Variants in AP4M1 observed in about 807,000 individuals in gnomAD.
The protein encoded by AP4M1 is adaptor related protein complex 4 subunit mu 1, also known as AP-4 complex subunit mu-1.
A neutral mutation model predicts 62.4 loss-of-function variants in AP4M1; 58 were observed. That is an observed-to-expected ratio of 0.93 (90% CI 0.75 to 1.16). AP4M1 has a LOEUF of 1.16. Among genes scored for constraint, AP4M1 ranks in the 50% most tolerant of loss-of-function variants. AP4M1 has a pLI of 0.00. For missense variants in AP4M1, 626 were observed against 585.4 expected, an observed-to-expected ratio of 1.07 and a Z score of -0.72; for synonymous variants, 290 against 239.7, an observed-to-expected ratio of 1.21 and a Z score of -1.94.
chr7:100,105,713 G>A (rs1796411156), intron 11 of AP4M1, among the ~76,000 whole-genome samples, 174 bp downstream of exon 11: 1 of 152,016 alleles, frequency 6.6e-6, no homozygotes, highest in Non-Finnish European at 1.5e-5. Flanking sequence ...TTGGGAGGCT[G>A]AGGCGGGAGG....
In AP4M1 at chr7:100,107,224, C is replaced by T; in HGVS notation, c.*342C>T. ...TGTACATGTCTGCATGTGTGGGAAT[C>T]CGGGGGCTGGCAGGTGGAGCATCAC... On this transcript the variant is annotated 3_prime_UTR_variant, in exon 15 of 15. Transcript: ENST00000359593. 6.6e-7 allele frequency: 1 copy of T among 1,519,360 alleles called. No homozygotes were observed. Among genetic ancestry groups the T allele is most frequent in the Non-Finnish European group, 8.8e-7 (1 of 1,136,574 alleles). 94.1% of individuals were successfully genotyped at this position (1,519,360 alleles called of 1,614,324 possible).
chr7:100,106,504 G>A lies in AP4M1; in HGVS notation c.1127G>A (p.Gly376Asp). Residue 376 changes from glycine to aspartate, a missense_variant, in exon 14 of 15, where the codon GGC (glycine) becomes GAC (aspartate). Coordinates refer to ENST00000359593, the MANE Select transcript of AP4M1 (RefSeq NM_004722.4). ...GTGCAAGGAGGCTCTCAACTCTCAGGCCTTTTCCAGGTATTCGCTGTGGAC... is the reference window on the plus strand; with the variant it reads ...GTGCAAGGAGGCTCTCAACTCTCAGACCTTTTCCAGGTATTCGCTGTGGAC... ...PRVQGGSQLS[G>D]LFQMDVPGPP... 1 of 1,613,258 alleles carries A rather than the reference G, an allele frequency of 6.2e-7. No individual in the cohort carries two copies. Among genetic ancestry groups the A allele is most frequent in the African/African-American group, 1.3e-5 (1 of 75,030 alleles).
rs750223135 is a variant in AP4M1 at position 100,106,292 on chromosome 7, G to GT, written c.1025+2dup. The GT allele has an allele frequency of 3.1e-6, 5 of 1,613,942 alleles. No homozygotes were observed. The African/African-American group carries it at 6.7e-5, about 22-fold the overall frequency. On this transcript the variant is annotated splice_donor_variant, in intron 13 of 14. Transcript: ENST00000359593. LOFTEE classifies it high-confidence loss of function. ...TCCCCCTGCCTCGAGGGGTGGTCAG[G>GT]TGAGTGTGTGCACCCACCACGGGGA...
Position 100,107,006 on chromosome 7 carries a change from G to T in AP4M1, c.*124G>T. On this transcript the variant is annotated 3_prime_UTR_variant, in exon 15 of 15. Coordinates refer to ENST00000359593, the MANE Select transcript of AP4M1 (RefSeq NM_004722.4). ...GGGCAGGAAGAGTCCTCAGTCCCAA[G>T]ACCAGGAGGGGGCAATGGGCCCAGC... 7.8e-7 allele frequency: 1 copy of T among 1,289,582 alleles called. No homozygotes were observed. Among genetic ancestry groups the T allele is most frequent in the South Asian group, 1.3e-5 (1 of 79,102 alleles). 79.9% of individuals were successfully genotyped at this position (1,289,582 alleles called of 1,614,324 possible).
Position 100,107,981 on chromosome 7 carries a change from G to C in AP4M1, c.*1099G>C. On this transcript the variant is annotated 3_prime_UTR_variant, in exon 15 of 15. Transcript: ENST00000359593. ...TGACATTACAATAAACTTGGTTGGA[G>C]GAGGGGAAGGCTGTGGTGGGGCAGC... 1 of 1,614,086 alleles carries C rather than the reference G, an allele frequency of 6.2e-7. No homozygotes were observed. The highest frequency in any genetic ancestry group is 1.1e-5 in the South Asian group (1 of 91,072).
intron 1 of AP4M1, 22 bp downstream of exon 1, chr7:100,101,794 GGGAAGGGGCGGAGGGGCCGGGC>G (rs1796057356): frequency 6.2e-7 from 1 of 1,610,914 alleles, no homozygotes; most frequent in East Asian, 2.2e-5. Flanking sequence ...CCTTGGGGCT[GGGAAGGGGCGGAGGGGCCGGGC>G]GGGAGGGGCG....
intron 2 of AP4M1, 187 bp from the exon 3 acceptor site, chr7:100,102,488 G>GC: frequency 1.5e-6 from 1 of 652,206 alleles, no homozygotes; most frequent in Non-Finnish European, 2.8e-6. Context: ...CAGCAACTCG[G>GC]GGTAGTTAGT....
chr7:100,106,971 C>A lies in AP4M1; in HGVS notation c.*89C>A. The A allele has an allele frequency of 6.9e-7, 1 of 1,443,908 alleles. No individual in the cohort carries two copies. The highest frequency in any genetic ancestry group is 1.2e-5 in the South Asian group (1 of 82,794). The allele number at this position is 1,443,908 out of a possible 1,614,324, so 89.4% of individuals were successfully genotyped here. On this transcript the variant is annotated 3_prime_UTR_variant, in exon 15 of 15. Coordinates refer to ENST00000359593, the MANE Select transcript of AP4M1 (RefSeq NM_004722.4). Reference sequence around the variant, plus strand: ...CTTTTCCAGCCTCCTGGCCTTCGGACTCTGAATCTGGGCAGGAAGAGTCCT... The same window carrying A: ...CTTTTCCAGCCTCCTGGCCTTCGGAATCTGAATCTGGGCAGGAAGAGTCCT...
In AP4M1 at chr7:100,103,666, C is replaced by T; in HGVS notation, c.517C>T (p.Pro173Ser). 1 of 1,613,092 alleles carries T rather than the reference C, an allele frequency of 6.2e-7. No individual in the cohort carries two copies. The highest frequency in any genetic ancestry group is 8.5e-7 in the Non-Finnish European group (1 of 1,180,020). The change falls in exon 6 of 15, where the codon CCC (proline) becomes TCC (serine). Residue 173 changes from proline to serine, a missense_variant. By Grantham distance (74) the Pro-to-Ser change is moderately conservative. Transcript: ENST00000359593. ...GGCCCCCAGCAGTGCAGCCAGCCGC[C>T]CCGTCCTGTCCAGTCGCTCTGACCA... is the stretch of plus-strand genomic sequence containing the variant. ...KVAPSSAASR[P>S]VLSSRSDQSQ...
chr7:100,100,897 T>A, upstream of AP4M1: 1 of 1,054,052 alleles, frequency 9.5e-7, no homozygotes, highest in African/African-American at 1.7e-5. Context: ...CGCGGGAACC[T>A]GGGAATGCCC....
chr7:100,103,685 C>G lies in AP4M1; in HGVS notation c.536C>G (p.Ser179Cys). The change falls in exon 6 of 15, where the codon TCT becomes TGT. Residue 179 changes from serine to cysteine, a missense_variant. Transcript: ENST00000359593. ...AASRPVLSSR[S>C]DQSQKNEVFL... ...AGCCGCCCCGTCCTGTCCAGTCGCT[C>G]TGACCAGGTGAGGGAAGGATCCATG... 6.2e-7 allele frequency: 1 copy of G among 1,612,382 alleles called. No homozygotes were observed. The highest frequency in any genetic ancestry group is 8.5e-7 in the Non-Finnish European group (1 of 1,179,982).
rs776788025 is a variant in AP4M1, at chr7:100,105,449, CTG to C, written c.842_843del (p.Val281AspfsTer8). The C allele has an allele frequency of 2.4e-5, 39 of 1,613,970 alleles. No homozygotes were observed. The highest frequency in any genetic ancestry group is 3.1e-5 in the Non-Finnish European group (36 of 1,179,984). On this transcript the variant is annotated frameshift_variant, in exon 11 of 15. Coordinates refer to ENST00000359593, the MANE Select transcript of AP4M1 (RefSeq NM_004722.4). LOFTEE classifies it high-confidence loss of function. ...TGTTGCTCTCTGGTCTCTCAGCTGA[CTG>C]TGATGCGGTACCAACTCTCCGATGA...
Position 100,106,258 on chromosome 7 carries a change from G to A in AP4M1, c.992G>A (p.Arg331Lys). Reference sequence around the variant, plus strand: ...CTCTGTAGCCAAGCCCTCAATGTCAGGCTGCACCTCCCCCTGCCTCGAGGG... The same window carrying A: ...CTCTGTAGCCAAGCCCTCAATGTCAAGCTGCACCTCCCCCTGCCTCGAGGG... The part of the protein sequence containing the change: ...LLSKSQALNV[R>K]LHLPLPRGVV... Residue 331 changes from arginine (R) to lysine (K), a missense_variant, in exon 13 of 15, where the codon AGG (arginine) becomes AAG (lysine). Coordinates refer to ENST00000359593, the MANE Select transcript of AP4M1 (RefSeq NM_004722.4). 6.2e-7 allele frequency: 1 copy of A among 1,614,128 alleles called. No homozygotes were observed. Among genetic ancestry groups the A allele is most frequent in the African/African-American group, 1.3e-5 (1 of 75,048 alleles).
At position 100,102,662 on chromosome 7, in the gene AP4M1, G is replaced by T; in HGVS notation, c.148-13G>T. On this transcript the variant is annotated splice_polypyrimidine_tract_variant and intron_variant, in intron 2 of 14. Transcript: ENST00000359593. ...TTTTTTTAACGCCTCTCTTCTCCCT[G>T]CCTGTGTCTCAGCATCACCATGGCC... 1 of 1,612,918 alleles carries T rather than the reference G, an allele frequency of 6.2e-7. No homozygotes were observed. Among genetic ancestry groups the T allele is most frequent in the Non-Finnish European group, 8.5e-7 (1 of 1,179,126 alleles).
chr7:100,104,802 G>A, intron 7 of AP4M1, 72 bp from the exon 8 acceptor site: 1 of 1,570,618 alleles, frequency 6.4e-7, no homozygotes, highest in Non-Finnish European at 8.7e-7. Flanking sequence ...CTGCCAGCCT[G>A]GGCGACAGAG....
chr7:100,103,217 A>G lies in AP4M1; in HGVS notation c.352-192A>G. The G allele has an allele frequency of 5.9e-6, 4 of 676,634 alleles. No homozygotes were observed. The South Asian group carries it at 6.8e-5, about 11-fold the overall frequency. The allele number at this position is 676,634 out of a possible 1,614,324, so 41.9% of individuals were successfully genotyped here. A position where few individuals can be genotyped will look rare whatever the true frequency, so the allele number is the denominator to read the frequency against. ...CTCCCCTGTGCCTAGCTAATTGTTT[A>G]TTTTTTGTAGAGACTAGAGTCTCAC... On this transcript the variant is annotated intron_variant, in intron 4 of 14. Transcript: ENST00000359593.
At position 100,102,725 on chromosome 7, in the gene AP4M1, G is replaced by A. The variant is rs773339594; in HGVS notation, c.198G>A (p.Leu66=). The A allele has an allele frequency of 6.2e-7, 1 of 1,613,952 alleles. No individual in the cohort carries two copies. Among genetic ancestry groups the A allele is most frequent in the East Asian group, 2.2e-5 (1 of 44,902 alleles). ...FIHIRHSGLY[L]VVTTSENVSP... is the part of the protein sequence containing the mutation. Reference sequence around the variant, plus strand: ...ACATCAGACACAGCGGCCTCTATTTGGTGGTCACAACTTCAGAAAACGTTT... The same window carrying A: ...ACATCAGACACAGCGGCCTCTATTTAGTGGTCACAACTTCAGAAAACGTTT... Residue 66 remains leucine, a synonymous_variant, in exon 3 of 15, where the codon TTG becomes TTA. Transcript: ENST00000359593.
rs754605905 is a variant in AP4M1 at position 100,107,634 on chromosome 7, AG to A, written c.*754del. The A allele has an allele frequency of 6.2e-6, 10 of 1,608,908 alleles. No homozygotes were observed. The South Asian group carries it at 1.1e-4, about 18-fold the overall frequency. On this transcript the variant is annotated 3_prime_UTR_variant, in exon 15 of 15. Transcript: ENST00000359593. ...GCTGAGGGACAGGACCTGGATAGAA[AG>A]GAAAGGCAGGCCGCTTGCCCTGTGC... is the stretch of plus-strand genomic sequence containing the variant.
chr7:100,105,290 A>C lies in AP4M1; in HGVS notation c.778A>C (p.Asn260His). Residue 260 changes from asparagine to histidine, a missense_variant, in exon 10 of 15, where the codon AAT becomes CAT. Transcript: ENST00000359593. ...VDEVSFHSSVNLDEFESHRIL... is the reference protein window; with the variant it reads ...VDEVSFHSSVHLDEFESHRIL... ...TGAAGTCTCGTTTCACAGCTCTGTG[A>C]ATCTGGACGAATTTGAGTCTCATCG... is the stretch of plus-strand genomic sequence containing the variant. 6.2e-7 allele frequency: 1 copy of C among 1,614,042 alleles called. No homozygotes were observed. Among genetic ancestry groups the C allele is most frequent in the Non-Finnish European group, 8.5e-7 (1 of 1,180,010 alleles).
Sources: gnomAD v4.1 joint callset for allele counts (sites outside exome capture counted in the v4.1 genomes callset) on GRCh38, gnomAD v4.1.1 for gene constraint, MANE v1.5 for transcripts, NCBI Gene and HGNC (gene_info 2026-07-23, HGNC 2026-07-21) for gene names.